PIK3C2G: variants seen among roughly 807,000 people sequenced by gnomAD.
The protein encoded by PIK3C2G is phosphatidylinositol 3-kinase C2 domain-containing subunit gamma.
A neutral mutation model predicts 181.1 loss-of-function variants in PIK3C2G; 168 were observed. The ratio of observed to expected loss-of-function variants is 0.93; its 90% CI spans 0.82 to 1.05. The LOEUF (loss-of-function observed/expected upper bound fraction) is 1.05. Among genes scored for constraint, PIK3C2G ranks in the 50% least tolerant of loss-of-function variants. PIK3C2G has a pLI of 0.00. For synonymous variants in PIK3C2G, 573 were observed against 592.2 expected (o/e 0.97, Z 0.47); for missense variants, 1,869 against 1,732.8 (o/e 1.08, Z -1.40).
intron 18 of PIK3C2G, among the ~76,000 whole-genome samples, chr12:18,430,165 G>A (rs1347766114): frequency 1.2e-4 from 19 of 152,108 alleles, no homozygotes; most frequent in Non-Finnish European, 1.5e-5. Context: ...ATTTCTTATG[G>A]AAGATAAAAA....
At chr12:18,495,291 G>C (rs1940913949) in intron 20 of PIK3C2G, among the ~76,000 whole-genome samples, 1 of 151,914 alleles carries the variant, frequency 6.6e-6, no homozygotes, top group South Asian at 2.1e-4. Context: ...ATGCTTAATT[G>C]TAAGAAAATA....
At chr12:18,596,414 A>G (rs1276545068) in intron 30 of PIK3C2G, among the ~76,000 whole-genome samples, 1 of 151,946 alleles carries the variant, frequency 6.6e-6, no homozygotes, top group African/African-American at 2.4e-5. Flanking sequence ...ATATTCTTTA[A>G]CTCTCTAATG....
At chr12:18,290,314 T>C (rs899542489) in intron 3 of PIK3C2G, among the ~76,000 whole-genome samples, 2 of 152,212 alleles carry the variant, frequency 1.3e-5, no homozygotes, top group East Asian at 3.9e-4. Flanking sequence ...AATATAAGAA[T>C]TACTTTTAGG....
intron 29 of PIK3C2G, among the ~76,000 whole-genome samples, chr12:18,575,823 T>C (rs369973812): frequency 5.5e-4 from 84 of 152,356 alleles, no homozygotes; most frequent in African/African-American, 1.9e-3. Context: ...TTTATCTCTA[T>C]TTTTACCCCA....
intron 24 of PIK3C2G, among the ~76,000 whole-genome samples, chr12:18,518,890 T>A (rs1942729730): frequency 6.6e-6 from 1 of 152,194 alleles, no homozygotes; most frequent in Non-Finnish European, 1.5e-5. Flanking sequence ...ATTTCCCTGT[T>A]AACACTGCTT....
intron 1 of PIK3C2G, among the ~76,000 whole-genome samples, chr12:18,276,945 G>A (rs1237551465): frequency 1.3e-5 from 2 of 152,096 alleles, no homozygotes; most frequent in Non-Finnish European, 2.9e-5. Context: ...TAAGATTATA[G>A]GTGAATAAGA....
At chr12:18,409,914 C>A (rs1330000842) in intron 16 of PIK3C2G, among the ~76,000 whole-genome samples, 2 of 151,998 alleles carry the variant, frequency 1.3e-5, no homozygotes, top group Non-Finnish European at 2.9e-5. Context: ...CATGGCTGGG[C>A]AGGAGGAAGA....
At chr12:18,349,784 C>T (rs1315280062) in intron 11 of PIK3C2G, among the ~76,000 whole-genome samples, 2 of 152,074 alleles carry the variant, frequency 1.3e-5, no homozygotes, top group African/African-American at 2.4e-5. Context: ...CCCCCAAGTC[C>T]TTTTACAATG....
intron 31 of PIK3C2G, among the ~76,000 whole-genome samples, chr12:18,627,403 T>C (rs1376504161): frequency 6.6e-6 from 1 of 152,098 alleles, no homozygotes; most frequent in Non-Finnish European, 1.5e-5. Context: ...GCTGGAGCAT[T>C]TTTGGTTTCT....
chr12:18,253,895 T>C (rs1469533530), intron 1 of PIK3C2G, among the ~76,000 whole-genome samples: 3 of 151,640 alleles, frequency 2.0e-5, no homozygotes, highest in Admixed American at 2.0e-4. Flanking sequence ...CCAAACCTTA[T>C]CTTCTGCATC....
At chr12:18,262,867 A>G (rs557856767) in intron 1 of PIK3C2G, among the ~76,000 whole-genome samples, 4 of 152,272 alleles carry the variant, frequency 2.6e-5, no homozygotes, top group African/African-American at 9.6e-5. Flanking sequence ...CAATCTAGAA[A>G]AGCATTGTAT....
chr12:18,334,529 TC>T (rs1483731247), intron 8 of PIK3C2G, among the ~76,000 whole-genome samples: 1 of 152,158 alleles, frequency 6.6e-6, no homozygotes, highest in African/African-American at 2.4e-5. Context: ...CTGGCTTATG[TC>T]TCCACACTAA....
At chr12:18,718,578 A>G in the PIK3C2G span, among the ~76,000 whole-genome samples, 3 of 152,048 alleles carry the variant, frequency 2.0e-5, no homozygotes, top group Non-Finnish European at 4.4e-5. Context: ...TCTGTTTAAC[A>G]TGACCTTCCC....
chr12:18,432,831 T>C (rs1236135330), intron 18 of PIK3C2G, among the ~76,000 whole-genome samples: 1 of 152,184 alleles, frequency 6.6e-6, no homozygotes, highest in South Asian at 2.1e-4. Flanking sequence ...GACTGAAGAA[T>C]TGAAATTAAA....
chr12:18,676,066 T>C, the PIK3C2G span, among the ~76,000 whole-genome samples: 4 of 152,096 alleles, frequency 2.6e-5, no homozygotes, highest in East Asian at 3.9e-4. Flanking sequence ...CACGAGTCAA[T>C]AGACCTGTGT....
chr12:18,712,695 A>G, the PIK3C2G span: 3 of 969,042 alleles, frequency 3.1e-6, no homozygotes, highest in Non-Finnish European at 4.7e-6. Context: ...ACTATATACA[A>G]CATGGATTTC....
At position 18,503,407 on chromosome 12, in the gene PIK3C2G, A is replaced by T; in HGVS notation, c.3143A>T (p.Asp1048Val). The change falls in exon 23 of 33, where the codon GAT (aspartate) becomes GTT (valine). Residue 1048 changes from aspartate (D) to valine (V), a missense_variant. Asp to Val is a radical substitution (Grantham distance 152). Coordinates refer to ENST00000538779, the MANE Select transcript of PIK3C2G (RefSeq NM_001288772.2). ...AGTCAGCACAACCACTTAAAGGCAG[A>T]TTATGAAAAGGTTTGTCCTGTTGCA... ...WFSQHNHLKA[D>V]YEKALRNFFY... 6.2e-7 allele frequency: 1 copy of T among 1,603,918 alleles called. No homozygotes were observed. The highest frequency in any genetic ancestry group is 8.5e-7 in the Non-Finnish European group (1 of 1,174,560).
intron 24 of PIK3C2G, among the ~76,000 whole-genome samples, chr12:18,515,093 A>G (rs1363786954): frequency 3.3e-5 from 5 of 151,986 alleles, no homozygotes; most frequent in Non-Finnish European, 7.4e-5. Context: ...ATCCCACTTG[A>G]TCATGGTGAC....
At chr12:18,693,017 A>G in the PIK3C2G span, 1,962 of 1,426,398 alleles carry the variant, frequency 1.4e-3, 23 homozygotes, top group African/African-American at 0.024. Flanking sequence ...AATTCATTAG[A>G]AATCAGGAAC....
Sources: gnomAD v4.1 joint callset for allele counts (sites outside exome capture counted in the v4.1 genomes callset) on GRCh38, gnomAD v4.1.1 for gene constraint, MANE v1.5 for transcripts, NCBI Gene and HGNC (gene_info 2026-07-23, HGNC 2026-07-21) for gene names.